ZFPM1: variants seen among roughly 807,000 people sequenced by gnomAD.
ZFPM1 encodes zinc finger protein ZFPM1.
ZFPM1 carries 28 observed loss-of-function variants against 46.3 expected under a neutral mutation model. That is an observed-to-expected ratio of 0.60 (90% CI 0.45 to 0.83). The LOEUF (loss-of-function observed/expected upper bound fraction) is 0.83, where lower values mean the gene tolerates loss of function less well. Ranked by LOEUF, ZFPM1 falls within the 40% of genes least tolerant of loss-of-function variation. The pLI is 0.00. For missense variants in ZFPM1, 1,878 were observed against 1,432.4 expected (o/e 1.31, Z -5.02); for synonymous variants, 957 against 675.9 (o/e 1.42, Z -6.45).
At chr16:88,527,314 T>C (rs1158099179) in intron 5 of ZFPM1, among the ~76,000 whole-genome samples, 2 of 152,126 alleles carry the variant, frequency 1.3e-5, no homozygotes, top group South Asian at 4.1e-4. Context: ...CTCCATGTCG[T>C]CAGGCTGGCT....
At chr16:88,463,485 C>G (rs1392634675) in intron 1 of ZFPM1, among the ~76,000 whole-genome samples, 1 of 152,274 alleles carries the variant, frequency 6.6e-6, no homozygotes, top group Non-Finnish European at 1.5e-5. Context: ...ACAGCACCTA[C>G]TGGGCATTTA....
At chr16:88,470,489 G>T (rs929807098) in intron 1 of ZFPM1, among the ~76,000 whole-genome samples, 11 of 152,142 alleles carry the variant, frequency 7.2e-5, no homozygotes, top group South Asian at 2.1e-4. Context: ...TGGTGTGGAG[G>T]GCCGGGTGGT....
At chr16:88,514,296 C>T (rs1171702807) in intron 3 of ZFPM1, 91 bp from the exon 4 acceptor site, 1 of 1,517,672 alleles carries the variant, frequency 6.6e-7, no homozygotes, top group Non-Finnish European at 8.8e-7. Flanking sequence ...GGACTGCCAC[C>T]CTCCACTGCC....
chr16:88,519,999 T>TGAGTGGGTG, intron 4 of ZFPM1, among the ~76,000 whole-genome samples: 1 of 146,524 alleles, frequency 6.8e-6, no homozygotes, highest in African/African-American at 2.6e-5. Flanking sequence ...GATGGGTGGG[T>TGAGTGGGTG]AGATAGCTGG....
At position 88,491,460 on chromosome 16, in the gene ZFPM1, G is replaced by A. The variant is rs112181926; in HGVS notation, c.268+2307G>A. 1.6e-3 allele frequency among the ~76,000 whole-genome samples: 244 copies of A among 152,330 alleles called. 1 individual carries two copies. Among genetic ancestry groups the A allele is most frequent in the African/African-American group, 5.6e-3 (234 of 41,592 alleles). Reference sequence around the variant, plus strand: ...GTCTCTGGAGGAGGAGACCCAGCCCGGGGATGCAGGACGCATCCACCGTCA... The same window carrying A: ...GTCTCTGGAGGAGGAGACCCAGCCCAGGGATGCAGGACGCATCCACCGTCA... On this transcript the variant is annotated intron_variant, in intron 3 of 9. Transcript: ENST00000319555.
chr16:88,500,370 G>A (rs1443642316), intron 3 of ZFPM1, among the ~76,000 whole-genome samples: 2 of 152,254 alleles, frequency 1.3e-5, no homozygotes, highest in Non-Finnish European at 2.9e-5. Context: ...GAGGACCCTT[G>A]GGACAGTGGG....
intron 6 of ZFPM1, among the ~76,000 whole-genome samples, chr16:88,528,563 G>A (rs1252173383): frequency 6.6e-6 from 1 of 152,210 alleles, no homozygotes; most frequent in Admixed American, 6.5e-5. Flanking sequence ...CCCTGACTGT[G>A]GGCCAGAGCA....
chr16:88,527,931 C>G (rs905400205), intron 5 of ZFPM1, 101 bp from the exon 6 acceptor site: 22 of 1,230,348 alleles, frequency 1.8e-5, no homozygotes, highest in Non-Finnish European at 2.4e-5. Flanking sequence ...GGCTGTGAAC[C>G]CGGGTGGCCG....
intron 1 of ZFPM1, among the ~76,000 whole-genome samples, chr16:88,455,943 G>C (rs948787467): frequency 6.6e-6 from 1 of 152,180 alleles, no homozygotes; most frequent in Admixed American, 6.5e-5. Context: ...GCTCCGATAA[G>C]AGCCTGGCCG....
chr16:88,458,588 T>A (rs1253104907), intron 1 of ZFPM1, among the ~76,000 whole-genome samples: 2 of 152,226 alleles, frequency 1.3e-5, no homozygotes, highest in African/African-American at 4.8e-5. Context: ...ATACTCCCGC[T>A]GGCCTATCTG....
intron 1 of ZFPM1, among the ~76,000 whole-genome samples, chr16:88,474,271 G>T (rs769383628): frequency 5.9e-4 from 90 of 152,194 alleles, no homozygotes; most frequent in Non-Finnish European, 1.0e-3. Context: ...CAGCCCACTG[G>T]CCCTGGCTCC....
In ZFPM1 at chr16:88,469,263, G is replaced by A. The variant is rs1908305905; in HGVS notation, c.40+15585G>A. On this transcript the variant is annotated intron_variant, in intron 1 of 9. Coordinates refer to ENST00000319555, the MANE Select transcript of ZFPM1 (RefSeq NM_153813.3). The surrounding 1 kb of genome is among the most constrained non-coding windows in gnomAD (Gnocchi z 4.3). ...CTGAAGTGCCGGCCGGGCCAGGGAC[G>A]TGGCACCATCTTAATGAATGACAGT... is the stretch of plus-strand genomic sequence containing the variant. Among the ~76,000 whole-genome samples, 1 of 152,204 alleles carries A rather than the reference G, an allele frequency of 6.6e-6. No homozygotes were observed. Among genetic ancestry groups the A allele is most frequent in the East Asian group, 1.9e-4 (1 of 5,190 alleles).
intron 6 of ZFPM1, 81 bp downstream of exon 6, chr16:88,528,319 G>A (rs948668922): frequency 4.1e-5 from 58 of 1,419,702 alleles, no homozygotes; most frequent in Non-Finnish European, 5.3e-5. Flanking sequence ...GGGAGCTGAG[G>A]GTGGGAAGCT....
chr16:88,458,226 C>T (rs1907644514), intron 1 of ZFPM1, among the ~76,000 whole-genome samples: 1 of 152,218 alleles, frequency 6.6e-6, no homozygotes, highest in African/African-American at 2.4e-5. Flanking sequence ...GTCTGCCCTG[C>T]CACCCTGAGC....
chr16:88,534,132 G>T lies in ZFPM1; in HGVS notation c.2174G>T (p.Gly725Val), dbSNP rs1188460783. ...RRPAAPPGPP[G>V]PAAPPAPSPA... ...CCGGCCGCGCCCCCGGGACCCCCTGGGCCGGCCGCGCCCCCGGCCCCCTCT... is the reference window on the plus strand; with the variant it reads ...CCGGCCGCGCCCCCGGGACCCCCTGTGCCGGCCGCGCCCCCGGCCCCCTCT... The change falls in exon 10 of 10, where the codon GGG (glycine) becomes GTG (valine). Residue 725 changes from glycine to valine, a missense_variant. Physicochemically the swap from Gly to Val is moderately radical, Grantham distance 109. Coordinates refer to ENST00000319555, the MANE Select transcript of ZFPM1 (RefSeq NM_153813.3). 10 of 1,005,902 alleles carry T rather than the reference G, an allele frequency of 9.9e-6. No homozygotes were observed. The South Asian group carries it at 1.7e-4, about 18-fold the overall frequency. The allele number at this position is 1,005,902 out of a possible 1,614,324, so 62.3% of individuals were successfully genotyped here.
At chr16:88,503,535 T>G (rs2142406356) in intron 3 of ZFPM1, among the ~76,000 whole-genome samples, 1 of 152,010 alleles carries the variant, frequency 6.6e-6, no homozygotes, top group East Asian at 1.9e-4. Context: ...CTCCTCCTGC[T>G]TCCTGGTCTT....
At chr16:88,487,670 G>T (rs1909309813) in intron 2 of ZFPM1, among the ~76,000 whole-genome samples, 1 of 152,152 alleles carries the variant, frequency 6.6e-6, no homozygotes. Context: ...CTGAGTGTCA[G>T]GGTCCCCGCT....
chr16:88,479,916 C>A (rs1187565681), intron 1 of ZFPM1, among the ~76,000 whole-genome samples: 1 of 149,292 alleles, frequency 6.7e-6, no homozygotes, highest in African/African-American at 2.5e-5. Flanking sequence ...CCACTCACAC[C>A]CCCCGCCGAA....
intron 3 of ZFPM1, among the ~76,000 whole-genome samples, chr16:88,503,970 G>C (rs1037754708): frequency 1.3e-5 from 2 of 152,072 alleles, no homozygotes; most frequent in African/African-American, 2.4e-5. Flanking sequence ...GACACTCTCG[G>C]TGGGTACCAG....
Sources: gnomAD v4.1 joint callset for allele counts (sites outside exome capture counted in the v4.1 genomes callset) on GRCh38, gnomAD v4.1.1 for gene constraint, Gnocchi (gnomAD v3.1) non-coding constraint, MANE v1.5 for transcripts, NCBI Gene and HGNC (gene_info 2026-07-23, HGNC 2026-07-21) for gene names.